Variants in HEPH observed in about 807,000 individuals in gnomAD.
HEPH encodes hephaestin.
In HEPH, 69 loss-of-function variants were observed where a neutral mutation model predicts 80.8. The observed-to-expected ratio is 0.85, with a 90% CI of 0.70 to 1.04. The LOEUF is 1.04. Among genes scored for constraint, HEPH ranks in the 50% least tolerant of loss-of-function variants. The pLI is 0.00. For synonymous variants in HEPH, 431 were observed against 322.8 expected (o/e 1.34, Z -3.60); for missense variants, 1,115 against 891.3 (o/e 1.25, Z -3.20).
At chrX:66,192,427 A>G in intron 7 of HEPH, 129 bp downstream of exon 7, 1 of 724,957 alleles carries the variant, frequency 1.4e-6, no homozygotes, top group Non-Finnish European at 2.0e-6. Flanking sequence ...GGTTACATGA[A>G]CCAACTGTTA....
At chrX:66,251,602 A>G (rs932149885) in intron 15 of HEPH, among the ~76,000 whole-genome samples, 1 of 111,459 alleles carries the variant, frequency 9.0e-6, no homozygotes, top group Non-Finnish European at 1.9e-5. Context: ...TACAAGAGTG[A>G]AGCCTTGACT....
intron 12 of HEPH, 145 bp from the exon 13 acceptor site, chrX:66,203,219 T>G: frequency 2.1e-6 from 1 of 465,569 alleles, no homozygotes. Context: ...TACTCTTTTA[T>G]CTATGTGTAG....
intron 15 of HEPH, among the ~76,000 whole-genome samples, chrX:66,232,455 C>T (rs2090188997): frequency 1.8e-5 from 2 of 111,288 alleles, no homozygotes; most frequent in Non-Finnish European, 3.8e-5. Flanking sequence ...TCAACCATAC[C>T]ACTATTGAAA....
At chrX:66,224,318 TG>T (rs1394671035) in intron 15 of HEPH, among the ~76,000 whole-genome samples, 2 of 110,849 alleles carry the variant, frequency 1.8e-5, no homozygotes, top group East Asian at 5.6e-4. Flanking sequence ...TTGGTATAGA[TG>T]ACTTTTTTTT....
At chrX:66,212,019 T>C (rs1238319789) in intron 15 of HEPH, among the ~76,000 whole-genome samples, 1 of 111,122 alleles carries the variant, frequency 9.0e-6, no homozygotes, top group African/African-American at 3.3e-5. Flanking sequence ...TTTTTTTCTT[T>C]TTAGTAATAG....
chrX:66,204,010 A>T (rs766739263), intron 13 of HEPH, among the ~76,000 whole-genome samples: 1 of 112,326 alleles, frequency 8.9e-6, no homozygotes, highest in South Asian at 3.7e-4. Context: ...TATTCACATA[A>T]TAATACAAAT....
intron 19 of HEPH, among the ~76,000 whole-genome samples, chrX:66,262,291 T>A (rs1182766071): frequency 9.0e-6 from 1 of 111,677 alleles, no homozygotes; most frequent in Non-Finnish European, 1.9e-5. Context: ...TGGAGGAAAG[T>A]CATCTTTCTA....
intron 4 of HEPH, 28 bp downstream of exon 4, chrX:66,173,829 G>A: frequency 9.2e-7 from 1 of 1,089,526 alleles, no homozygotes; most frequent in Admixed American, 2.6e-5. Flanking sequence ...AAGCTATGAG[G>A]TGTAGTTTGG....
At chrX:66,259,402 C>T (rs527855259) in intron 18 of HEPH, among the ~76,000 whole-genome samples, 3 of 111,545 alleles carry the variant, frequency 2.7e-5, no homozygotes, top group Admixed American at 1.9e-4. Context: ...ACAGTTTAGT[C>T]TTAGGTAAAG....
chrX:66,212,009 T>A (rs192123971), intron 15 of HEPH, among the ~76,000 whole-genome samples: 15 of 111,174 alleles, frequency 1.3e-4, no homozygotes, highest in South Asian at 3.7e-4. Context: ...CATTATTATT[T>A]TTTTTTCTTT....
chrX:66,250,163 C>G (rs2090954433), intron 15 of HEPH, among the ~76,000 whole-genome samples: 2 of 111,334 alleles, frequency 1.8e-5, no homozygotes. Flanking sequence ...CCTCTCCTGA[C>G]TAGATTCTAA....
At position 66,192,307 on chromosome X, in the gene HEPH, C is replaced by G; in HGVS notation, c.1232+9C>G. 1 of 1,187,328 alleles carries G rather than the reference C, an allele frequency of 8.4e-7. No homozygotes were observed. Among genetic ancestry groups the G allele is most frequent in the Non-Finnish European group, 1.1e-6 (1 of 877,038 alleles). On this transcript the variant is annotated intron_variant, in intron 7 of 20. Coordinates refer to ENST00000343002, the MANE Select transcript of HEPH (RefSeq NM_001367233.3). ...TTGAGAGAGCCAGGCAGGTAAGAGG[C>G]AGTGGGATCCCTCTCTTTAATTCTT...
At chrX:66,200,127 A>T (rs1029946727) in intron 11 of HEPH, among the ~76,000 whole-genome samples, 1 of 110,747 alleles carries the variant, frequency 9.0e-6, no homozygotes, top group Admixed American at 9.6e-5. Flanking sequence ...GGGGCGTGGA[A>T]AATGAGATCT....
rs773811688 is a variant in HEPH, at chrX:66,266,541, A to T, written c.3346A>T (p.Ser1116Cys). The part of the protein sequence containing the change: ...EMLASVLVAI[S>C]VTLLLVVLAL... ...GCTGGCCTCTGTTTTGGTTGCCATT[A>T]GTGTCACCCTTCTGCTCGTTGTTCT... The change falls in exon 21 of 21, where the codon AGT (serine) becomes TGT (cysteine). Residue 1116 changes from serine (S) to cysteine (C), a missense_variant. Physicochemically the swap from Ser to Cys is moderately radical, Grantham distance 112 (BLOSUM62 -1). Transcript: ENST00000343002. The T allele has an allele frequency of 3.6e-5, 44 of 1,205,995 alleles. No individual in the cohort carries two copies. The highest frequency in any genetic ancestry group is 4.4e-5 in the Non-Finnish European group (39 of 893,138).
intron 15 of HEPH, among the ~76,000 whole-genome samples, chrX:66,213,791 A>G (rs2089265087): frequency 8.9e-6 from 1 of 112,357 alleles, no homozygotes; most frequent in Non-Finnish European, 1.9e-5. Context: ...AAAAATCAGT[A>G]GGACAAAACA....
intron 15 of HEPH, 30 bp from the exon 16 acceptor site, chrX:66,255,005 G>A (rs200655124): frequency 9.3e-5 from 99 of 1,066,581 alleles, no homozygotes; most frequent in Non-Finnish European, 1.2e-4. Flanking sequence ...CTGACCCGGT[G>A]CAACTGGAGG....
intron 8 of HEPH, among the ~76,000 whole-genome samples, 188 bp downstream of exon 8, chrX:66,193,826 C>T (rs1367050609): frequency 8.9e-6 from 1 of 111,808 alleles, no homozygotes; most frequent in East Asian, 2.8e-4. Context: ...CTAAGTTAAG[C>T]AGTTAAATAG....
chrX:66,224,017 T>G (rs189128145), intron 15 of HEPH, among the ~76,000 whole-genome samples: 5 of 111,000 alleles, frequency 4.5e-5, no homozygotes, highest in African/African-American at 6.5e-5. Flanking sequence ...AACCAGTTAA[T>G]GTATTTCAGG....
At position 66,193,907 on chromosome X, in the gene HEPH, TC is replaced by T. The variant is rs758457296; in HGVS notation, c.1369+270del. Among the ~76,000 whole-genome samples, 5 of 112,349 alleles carry T rather than the reference TC, an allele frequency of 4.5e-5. No individual in the cohort carries two copies. In the South Asian group the frequency reaches 1.1e-3, roughly 25 times the overall value. On this transcript the variant is annotated intron_variant, in intron 8 of 20. Coordinates refer to ENST00000343002, the MANE Select transcript of HEPH (RefSeq NM_001367233.3). ...GTTTATCATGAATCTCCACTTTTTT[TC>T]AGTGAATATCTTCCAATACCACTGA...
Sources: gnomAD v4.1 joint callset for allele counts (sites outside exome capture counted in the v4.1 genomes callset) on GRCh38, gnomAD v4.1.1 for gene constraint, MANE v1.5 for transcripts, NCBI Gene and HGNC (gene_info 2026-07-23, HGNC 2026-07-21) for gene names.